Variants in TUSC3 observed in about 807,000 individuals in gnomAD.
TUSC3 encodes the protein tumor suppressor candidate 3, also known as dolichyl-diphosphooligosaccharide--protein glycosyltransferase subunit TUSC3.
A neutral mutation model predicts 44.8 loss-of-function variants in TUSC3; 45 were observed. That is an observed-to-expected ratio of 1.00 (90% confidence interval 0.79 to 1.29). The LOEUF (loss-of-function observed/expected upper bound fraction) is 1.29, where lower values mean the gene tolerates loss of function less well. Ranked by LOEUF, TUSC3 falls within the 50% of genes most tolerant of loss-of-function variation. TUSC3 has a pLI of 0.00. For synonymous variants in TUSC3, 212 were observed against 152.9 expected, an observed-to-expected ratio of 1.39 and a Z score of -2.85; for missense variants, 519 against 437.9, an observed-to-expected ratio of 1.19 and a Z score of -1.65.
chr8:15,804,414 C>T, the TUSC3 span, among the ~76,000 whole-genome samples: 2 of 152,112 alleles, frequency 1.3e-5, no homozygotes, highest in Non-Finnish European at 2.9e-5. Context: ...AGGCTGATGT[C>T]CTGACTGGTG....
chr8:15,830,690 T>C, the TUSC3 span, among the ~76,000 whole-genome samples: 1 of 152,036 alleles, frequency 6.6e-6, no homozygotes, highest in African/African-American at 2.4e-5. Flanking sequence ...CTCTAACTTA[T>C]AAATGAGAGC....
intron 1 of TUSC3, among the ~76,000 whole-genome samples, chr8:15,573,479 G>A (rs1268299620): frequency 2.6e-5 from 4 of 151,854 alleles, no homozygotes; most frequent in African/African-American, 9.7e-5. Context: ...AGCCCAGTGG[G>A]TTTATATTTC....
chr8:15,781,090 T>C, the TUSC3 span, among the ~76,000 whole-genome samples: 11 of 152,178 alleles, frequency 7.2e-5, no homozygotes, highest in Non-Finnish European at 1.2e-4. Flanking sequence ...AGCTTAGCAC[T>C]TCCTGAGTGT....
intron 3 of TUSC3, among the ~76,000 whole-genome samples, chr8:15,651,680 A>T (rs1297215024): frequency 6.6e-6 from 1 of 152,182 alleles, no homozygotes; most frequent in Non-Finnish European, 1.5e-5. Context: ...TTCCTCTTGG[A>T]CTTTGAGTCT....
chr8:15,526,740 G>A (rs911928640), intron 2 of TUSC3, among the ~76,000 whole-genome samples: 1 of 152,096 alleles, frequency 6.6e-6, no homozygotes, highest in Non-Finnish European at 1.5e-5. Flanking sequence ...GTGTTCATCA[G>A]CAGCATGATA....
chr8:15,839,572 G>A, the TUSC3 span, among the ~76,000 whole-genome samples: 3 of 152,142 alleles, frequency 2.0e-5, no homozygotes, highest in Non-Finnish European at 4.4e-5. Flanking sequence ...TGAAGGATAT[G>A]AACAGACATT....
rs1811152047 is a variant in TUSC3, at chr8:15,740,623, T to G, written c.863-2915T>G. Among the ~76,000 whole-genome samples, 3 of 152,274 alleles carry G rather than the reference T, an allele frequency of 2.0e-5. No individual in the cohort carries two copies. The South Asian group carries it at 6.2e-4, about 32-fold the overall frequency. ...GTGGTGAGCTATTCGTACAACTCTTTTCCTTATCAGTTTGATAAAATCAAT... is the reference window on the plus strand; with the variant it reads ...GTGGTGAGCTATTCGTACAACTCTTGTCCTTATCAGTTTGATAAAATCAAT... On this transcript the variant is annotated intron_variant, in intron 7 of 10. Transcript: ENST00000503731.
At chr8:15,583,990 C>G (rs1430667734) in intron 1 of TUSC3, among the ~76,000 whole-genome samples, 1 of 152,162 alleles carries the variant, frequency 6.6e-6, no homozygotes, top group Non-Finnish European at 1.5e-5. Context: ...GTTGTTTGTC[C>G]TCTGTATTGC....
At chr8:15,480,338 A>T (rs538207165) in intron 1 of TUSC3, among the ~76,000 whole-genome samples, 2 of 152,210 alleles carry the variant, frequency 1.3e-5, no homozygotes, top group Non-Finnish European at 2.9e-5. Context: ...CTACTCTGAA[A>T]TCCACATGGA....
At chr8:15,608,153 C>T (rs1026324490) in intron 1 of TUSC3, among the ~76,000 whole-genome samples, 1 of 152,028 alleles carries the variant, frequency 6.6e-6, no homozygotes, top group Non-Finnish European at 1.5e-5. Context: ...TTCCTGAGTT[C>T]TTGATTTTGA....
intron 6 of TUSC3, among the ~76,000 whole-genome samples, chr8:15,687,706 G>A (rs527734019): frequency 6.6e-6 from 1 of 152,132 alleles, no homozygotes; most frequent in Non-Finnish European, 1.5e-5. Flanking sequence ...GAAGAACCTT[G>A]TGATTTGTAC....
intron 9 of TUSC3, among the ~76,000 whole-genome samples, chr8:15,755,573 T>C (rs1004045183): frequency 5.3e-5 from 8 of 152,028 alleles, no homozygotes; most frequent in Admixed American, 2.0e-4. Flanking sequence ...ACTATGAATT[T>C]GATCTAATTA....
intron 2 of TUSC3, among the ~76,000 whole-genome samples, chr8:15,532,091 A>C (rs1486700028): frequency 6.6e-6 from 1 of 152,116 alleles, no homozygotes; most frequent in Admixed American, 6.6e-5. Flanking sequence ...AATGCACCTA[A>C]GTTTTTTTTC....
chr8:15,510,464 AATGC>A (rs149245358), intron 2 of TUSC3, among the ~76,000 whole-genome samples: 4,015 of 152,276 alleles, frequency 0.026, 194 homozygotes, highest in African/African-American at 0.091. Flanking sequence ...ATTATATATA[AATGC>A]ATGCAGTAAA....
chr8:15,785,441 A>C, the TUSC3 span, among the ~76,000 whole-genome samples: 1 of 150,264 alleles, frequency 6.7e-6, no homozygotes, highest in Non-Finnish European at 1.5e-5. Flanking sequence ...TATTGTGGAC[A>C]CTTTTTTCAT....
At chr8:15,696,039 C>T (rs1809145715) in intron 6 of TUSC3, among the ~76,000 whole-genome samples, 1 of 152,162 alleles carries the variant, frequency 6.6e-6, no homozygotes, top group Non-Finnish European at 1.5e-5. Flanking sequence ...TTCAAGCCAG[C>T]TGTGGAAATT....
At chr8:15,757,765 G>A (rs376206206) in intron 9 of TUSC3, 26 bp from the exon 10 acceptor site, 73 of 1,472,516 alleles carry the variant, frequency 5.0e-5, no homozygotes, top group Non-Finnish European at 6.5e-5. Flanking sequence ...CCATATTGTT[G>A]TATTTCATTG....
chr8:15,790,809 G>C, the TUSC3 span, among the ~76,000 whole-genome samples: 2 of 152,240 alleles, frequency 1.3e-5, no homozygotes, highest in Admixed American at 1.3e-4. Flanking sequence ...CAATATGGCT[G>C]AGATGTCACA....
Position 15,575,455 on chromosome 8 carries a change from A to G in TUSC3, c.138+34887A>G, listed in dbSNP as rs75759942. On this transcript the variant is annotated intron_variant, in intron 1 of 10. Transcript: ENST00000503731. ...CATTGCTTCATTGTAAGAGGATAAT[A>G]TATATTTTATTTCAAAAATTCTTCT... Among the ~76,000 whole-genome samples the G allele has an allele frequency of 4.6e-3, 694 of 152,248 alleles. 8 individuals are homozygous for G. The highest frequency in any genetic ancestry group is 5.1e-3 in the Non-Finnish European group (350 of 68,026).
Sources: gnomAD v4.1 joint callset for allele counts (sites outside exome capture counted in the v4.1 genomes callset) on GRCh38, gnomAD v4.1.1 for gene constraint, MANE v1.5 for transcripts, NCBI Gene and HGNC (gene_info 2026-07-23, HGNC 2026-07-21) for gene names.